TENM4: variants seen among roughly 807,000 people sequenced by gnomAD.
The protein encoded by TENM4 is teneurin transmembrane protein 4, also known as teneurin-4.
Under a neutral mutation model 243.3 loss-of-function variants are expected in TENM4, and 82 were observed. That is an observed-to-expected ratio of 0.34 (90% CI 0.28 to 0.40). The LOEUF (loss-of-function observed/expected upper bound fraction) is 0.40. Ranked by LOEUF, TENM4 falls within the 10% of genes least tolerant of loss-of-function variation. The probability of loss-of-function intolerance (pLI) is 1.00; values close to 1 mark genes in which losing one functional copy is unlikely to be tolerated. For synonymous variants in TENM4, 1,412 were observed against 1,456.3 expected, an observed-to-expected ratio of 0.97 and a Z score of 0.69; for missense variants, 3,138 against 3,673.3, an observed-to-expected ratio of 0.85 and a Z score of 3.77.
At chr11:78,800,983 CTAAGA>C (rs2136074888) in intron 15 of TENM4, among the ~76,000 whole-genome samples, 1 of 152,226 alleles carries the variant, frequency 6.6e-6, no homozygotes, top group South Asian at 2.1e-4. Flanking sequence ...TGAACCTTAG[CTAAGA>C]TAAGGTTGTA....
At chr11:78,857,145 G>T (rs1858700290) in intron 10 of TENM4, among the ~76,000 whole-genome samples, 1 of 152,206 alleles carries the variant, frequency 6.6e-6, no homozygotes, top group Non-Finnish European at 1.5e-5. Flanking sequence ...GAACAGGAGA[G>T]ACTCTAGGGA....
At chr11:78,957,311 A>T (rs1565143178) in intron 6 of TENM4, among the ~76,000 whole-genome samples, 1 of 152,192 alleles carries the variant, frequency 6.6e-6, no homozygotes, top group Non-Finnish European at 1.5e-5. Context: ...TGAAACAACA[A>T]CAACAACAAC....
chr11:79,163,045 G>C lies in TENM4; in HGVS notation c.-162-14239C>G, dbSNP rs372056549. On this transcript the variant is annotated intron_variant, in intron 3 of 33. Coordinates refer to ENST00000278550, the MANE Select transcript of TENM4 (RefSeq NM_001098816.3). ...TCTGCCTAAAAGGTCCCTAGACCTT[G>C]TCCCTGAGTGAAGGCAGCATGTTTA... Among the ~76,000 whole-genome samples, 338 of 152,278 alleles carry C rather than the reference G, an allele frequency of 2.2e-3. 1 individual carries two copies. The highest frequency in any genetic ancestry group is 7.1e-3 in the African/African-American group (297 of 41,550).
At chr11:79,277,572 G>A (rs1856080363) in intron 2 of TENM4, among the ~76,000 whole-genome samples, 1 of 152,178 alleles carries the variant, frequency 6.6e-6, no homozygotes, top group Non-Finnish European at 1.5e-5. Context: ...AACACTGGCA[G>A]AAAATCTTTT....
intron 4 of TENM4, among the ~76,000 whole-genome samples, chr11:79,124,064 C>G (rs1861808079): frequency 6.6e-6 from 1 of 152,160 alleles, no homozygotes; most frequent in South Asian, 2.1e-4. Flanking sequence ...CCTACTATGT[C>G]AAATTCATAT....
intron 4 of TENM4, among the ~76,000 whole-genome samples, chr11:79,079,831 C>CA (rs34296723): frequency 0.21 from 24,298 of 114,552 alleles, 2,702 homozygotes; most frequent in African/African-American, 0.34. Flanking sequence ...CACTTTGTTT[C>CA]AAAAAAAAAA....
chr11:78,989,779 C>G (rs188533615), intron 6 of TENM4, among the ~76,000 whole-genome samples: 69 of 152,200 alleles, frequency 4.5e-4, no homozygotes, highest in African/African-American at 1.6e-3. Context: ...TTAGGCTGGG[C>G]ACCATGGCTC....
chr11:78,729,736 G>A, intron 21 of TENM4, 93 bp from the exon 22 acceptor site: 1 of 1,474,612 alleles, frequency 6.8e-7, no homozygotes, highest in East Asian at 2.3e-5. Context: ...GGGTGTTCAG[G>A]AGGTAGAGGG....
At chr11:79,228,425 C>A (rs770990388) in intron 2 of TENM4, among the ~76,000 whole-genome samples, 1 of 152,158 alleles carries the variant, frequency 6.6e-6, no homozygotes, top group Non-Finnish European at 1.5e-5. Context: ...AATGAACTGC[C>A]GCATGCCTCA....
chr11:79,011,592 C>T (rs1024189784), intron 6 of TENM4, among the ~76,000 whole-genome samples: 11 of 152,220 alleles, frequency 7.2e-5, no homozygotes, highest in Non-Finnish European at 1.0e-4. Context: ...CACTCTTCCT[C>T]CTCTCCAGGA....
intron 2 of TENM4, among the ~76,000 whole-genome samples, chr11:79,237,688 A>C (rs1864505265): frequency 6.6e-6 from 1 of 152,202 alleles, no homozygotes; most frequent in Non-Finnish European, 1.5e-5. Flanking sequence ...AAAAAATAAA[A>C]AAATAAAGTA....
chr11:79,346,665 C>T (rs553315489), intron 1 of TENM4, among the ~76,000 whole-genome samples: 6 of 152,274 alleles, frequency 3.9e-5, no homozygotes, highest in Non-Finnish European at 5.9e-5. Context: ...TATAGGGAAG[C>T]AAAGGAGAGC....
chr11:79,301,243 C>G (rs561437407), intron 1 of TENM4, among the ~76,000 whole-genome samples: 28 of 152,326 alleles, frequency 1.8e-4, no homozygotes, highest in African/African-American at 6.5e-4. Context: ...TCATGTGTTC[C>G]TTTTCCTCAC....
chr11:79,136,790 AAAGAAGTG>A (rs1862118390), intron 4 of TENM4, among the ~76,000 whole-genome samples: 1 of 152,166 alleles, frequency 6.6e-6, no homozygotes, highest in African/African-American at 2.4e-5. Flanking sequence ...CTTTATGGCT[AAAGAAGTG>A]TGACAGTGGG....
intron 6 of TENM4, among the ~76,000 whole-genome samples, chr11:78,998,074 A>G (rs894515059): frequency 6.6e-6 from 1 of 152,228 alleles, no homozygotes; most frequent in African/African-American, 2.4e-5. Flanking sequence ...TCCCAGCTTC[A>G]AGAAATGTGA....
intron 17 of TENM4, among the ~76,000 whole-genome samples, chr11:78,775,695 C>T (rs144571020): frequency 1.0e-3 from 157 of 152,298 alleles, no homozygotes; most frequent in African/African-American, 3.6e-3. Flanking sequence ...TCCGCAAACC[C>T]TGAAACTCAT....
intron 9 of TENM4, among the ~76,000 whole-genome samples, chr11:78,868,893 T>G (rs1859053593): frequency 6.6e-6 from 1 of 152,138 alleles, no homozygotes; most frequent in Non-Finnish European, 1.5e-5. Flanking sequence ...GCTACCCACT[T>G]TTCTGTTTTA....
intron 1 of TENM4, among the ~76,000 whole-genome samples, chr11:79,332,575 T>C (rs1221210784): frequency 6.6e-6 from 1 of 152,196 alleles, no homozygotes; most frequent in South Asian, 2.1e-4. Flanking sequence ...TTGCAAGCTC[T>C]GCTCTTTGCA....
intron 12 of TENM4, among the ~76,000 whole-genome samples, chr11:78,825,129 T>G (rs1857823271): frequency 6.6e-6 from 1 of 152,232 alleles, no homozygotes; most frequent in South Asian, 2.1e-4. Flanking sequence ...CAAAGCATAG[T>G]CCTTATTCTC....
Sources: allele counts gnomAD v4.1 joint callset (sites outside exome capture counted in the v4.1 genomes callset), GRCh38; gene constraint gnomAD v4.1.1; transcripts MANE v1.5; gene names NCBI Gene and HGNC (gene_info 2026-07-23, HGNC 2026-07-21).